Variants in SCAI observed in about 807,000 individuals in gnomAD.
SCAI encodes suppressor of cancer cell invasion, also known as protein SCAI.
In SCAI, 24 loss-of-function variants were observed where a neutral mutation model predicts 92.2. The observed-to-expected ratio is 0.26, with a 90% confidence interval of 0.19 to 0.37. The LOEUF (loss-of-function observed/expected upper bound fraction) is 0.37, where lower values mean the gene tolerates loss of function less well. SCAI is among the 10% of genes least tolerant of loss of function. The probability of loss-of-function intolerance (pLI) is 1.00; values close to 1 mark genes in which losing one functional copy is unlikely to be tolerated. For missense variants in SCAI, 450 were observed against 736.2 expected (o/e 0.61, Z 4.50); for synonymous variants, 261 against 258.6 (o/e 1.01, Z -0.09).
intron 9 of SCAI, among the ~76,000 whole-genome samples, chr9:125,013,830 C>A (rs978527930): frequency 3.9e-5 from 6 of 152,236 alleles, no homozygotes; most frequent in African/African-American, 1.2e-4. Flanking sequence ...GCTTATCCAC[C>A]ATGATCAAGT....
chr9:125,019,832 G>A (rs567445890), intron 7 of SCAI, among the ~76,000 whole-genome samples: 24 of 152,104 alleles, frequency 1.6e-4, no homozygotes, highest in African/African-American at 5.5e-4. Context: ...CCAGCACTTC[G>A]GGAGGCAGAG....
chr9:124,997,601 C>T (rs1820430791), intron 13 of SCAI, among the ~76,000 whole-genome samples: 1 of 151,838 alleles, frequency 6.6e-6, no homozygotes, highest in African/African-American at 2.4e-5. Context: ...GAACTCCAGG[C>T]ACGGTGGCTC....
intron 14 of SCAI, among the ~76,000 whole-genome samples, chr9:124,982,450 T>C (rs1341996308): frequency 1.3e-5 from 2 of 151,984 alleles, no homozygotes; most frequent in African/African-American, 4.8e-5. Flanking sequence ...GGGGGGTGGT[T>C]CATCTGAGGT....
At chr9:125,135,897 A>C (rs1204652261) in intron 2 of SCAI, among the ~76,000 whole-genome samples, 5 of 146,372 alleles carry the variant, frequency 3.4e-5, no homozygotes, top group Non-Finnish European at 7.5e-5. Context: ...TGAACCCAGG[A>C]GGCAGAGGCT....
chr9:125,024,197 TC>T (rs1324035906), intron 6 of SCAI, among the ~76,000 whole-genome samples: 124 of 152,218 alleles, frequency 8.1e-4, no homozygotes, highest in Middle Eastern at 6.8e-3. Flanking sequence ...TGACATGTTG[TC>T]AACGTCAACA....
In SCAI at chr9:125,143,416, G is replaced by A. The variant is rs1306341625; in HGVS notation, c.22C>T (p.Pro8Ser). 7.1e-7 allele frequency: 1 copy of A among 1,399,644 alleles called. No individual in the cohort carries two copies. Among genetic ancestry groups the A allele is most frequent in the Non-Finnish European group, 9.3e-7 (1 of 1,075,224 alleles). The allele number at this position is 1,399,644 out of a possible 1,614,324, so 86.7% of individuals were successfully genotyped here. MVRGARQ[P>S]QQPRSRLAPR... is the part of the protein sequence containing the mutation. ...GCCAGGCGACTCCGCGGCTGCTGGGGCTGCCGGGCTCCTCTGACCATCCGG... is the reference window on the plus strand; with the variant it reads ...GCCAGGCGACTCCGCGGCTGCTGGGACTGCCGGGCTCCTCTGACCATCCGG... The change falls in exon 1 of 18, where the codon CCC (proline) becomes TCC (serine). Residue 8 changes from proline to serine, a missense_variant. Coordinates refer to ENST00000336505, the MANE Select transcript of SCAI (RefSeq NM_001144877.3).
chr9:125,002,226 T>C (rs1564373354), intron 11 of SCAI, among the ~76,000 whole-genome samples, 183 bp from the exon 12 acceptor site: 1 of 152,216 alleles, frequency 6.6e-6, no homozygotes, highest in Non-Finnish European at 1.5e-5. Flanking sequence ...AGATTCATTA[T>C]TAATCTATAT....
At chr9:125,123,362 C>CAAAA (rs113727130) in intron 2 of SCAI, among the ~76,000 whole-genome samples, 17 of 134,858 alleles carry the variant, frequency 1.3e-4, no homozygotes, top group Non-Finnish European at 2.1e-4. Flanking sequence ...GACTCCAACT[C>CAAAA]AAAAAAAAAA....
At chr9:124,955,297 G>T (rs1014594104) in intron 17 of SCAI, among the ~76,000 whole-genome samples, 3 of 151,774 alleles carry the variant, frequency 2.0e-5, no homozygotes, top group Admixed American at 2.0e-4. Flanking sequence ...GGAAATAAAT[G>T]AAACAGAAAA....
At chr9:124,990,689 G>A (rs548014427) in intron 14 of SCAI, among the ~76,000 whole-genome samples, 1 of 151,330 alleles carries the variant, frequency 6.6e-6, no homozygotes, top group African/African-American at 2.4e-5. Flanking sequence ...AAAAATAGTG[G>A]TTAGGGGAGA....
At chr9:125,061,853 G>A (rs1421332118) in intron 2 of SCAI, among the ~76,000 whole-genome samples, 1 of 151,910 alleles carries the variant, frequency 6.6e-6, no homozygotes, top group Non-Finnish European at 1.5e-5. Context: ...TGTCCTTTAA[G>A]CAAAAGGAAA....
intron 17 of SCAI, among the ~76,000 whole-genome samples, chr9:124,954,690 C>T (rs765709956): frequency 1.3e-5 from 2 of 152,250 alleles, no homozygotes; most frequent in African/African-American, 2.4e-5. Context: ...TTAACTATCA[C>T]CACAACCAAT....
chr9:125,122,961 T>C (rs1376168996), intron 2 of SCAI, among the ~76,000 whole-genome samples: 1 of 152,236 alleles, frequency 6.6e-6, no homozygotes, highest in Non-Finnish European at 1.5e-5. Context: ...TATAGATGCA[T>C]ATTCCTATTT....
chr9:125,040,703 C>T (rs1377277982), intron 3 of SCAI, among the ~76,000 whole-genome samples: 2 of 152,026 alleles, frequency 1.3e-5, no homozygotes, highest in African/African-American at 2.4e-5. Flanking sequence ...CTTGGCTCAC[C>T]GCAACCTCTG....
intron 2 of SCAI, among the ~76,000 whole-genome samples, chr9:125,112,307 A>G (rs566222759): frequency 6.6e-6 from 1 of 152,336 alleles, no homozygotes; most frequent in South Asian, 2.1e-4. Context: ...AAAAAGAAAA[A>G]AAACTCAAGT....
intron 2 of SCAI, among the ~76,000 whole-genome samples, chr9:125,102,503 A>G (rs567215795): frequency 2.0e-5 from 3 of 151,858 alleles, no homozygotes; most frequent in South Asian, 4.2e-4. Context: ...TCTGACCACA[A>G]CTTCACCATC....
rs188378502 is a variant in SCAI, at chr9:125,025,947, G to A, written c.512+865C>T. ...TAAAAACTGTGAGTTGTGTTGCTGG[G>A]GTAGAGAGAATATTCAGACCTTCTG... On this transcript the variant is annotated intron_variant, in intron 6 of 17. Transcript: ENST00000336505. Among the ~76,000 whole-genome samples, 238 of 152,258 alleles carry A rather than the reference G, an allele frequency of 1.6e-3. 3 individuals carry two copies. The highest frequency in any genetic ancestry group is 6.8e-3 in the Middle Eastern group (2 of 294).
intron 2 of SCAI, among the ~76,000 whole-genome samples, chr9:125,116,032 C>T (rs1835039237): frequency 6.6e-6 from 1 of 152,016 alleles, no homozygotes; most frequent in African/African-American, 2.4e-5. Flanking sequence ...CCATCTCTAT[C>T]AGAAAAAACA....
rs200456447 is a variant in SCAI, at chr9:124,951,505, CA to C, written c.*1301del. 1.3e-5 allele frequency: 2 copies of C among 151,636 alleles called. No homozygotes were observed. Among genetic ancestry groups the C allele is most frequent in the South Asian group, 2.1e-4 (1 of 4,800 alleles). 9.4% of individuals were successfully genotyped at this position (151,636 alleles called of 1,614,324 possible). A position where few individuals can be genotyped will look rare whatever the true frequency, so the allele number is the denominator to read the frequency against. ...GGGCAACAAAAGCAAGACTCTGTTT[CA>C]AAAAAAATAAATAAATTTAGAGTAT... On this transcript the variant is annotated 3_prime_UTR_variant, in exon 18 of 18. Transcript: ENST00000336505.
Sources: allele counts gnomAD v4.1 joint callset (sites outside exome capture counted in the v4.1 genomes callset), GRCh38; gene constraint gnomAD v4.1.1; transcripts MANE v1.5; gene names NCBI Gene and HGNC (gene_info 2026-07-23, HGNC 2026-07-21).